SP2: variants seen among roughly 807,000 people sequenced by gnomAD.
The protein encoded by SP2 is Sp2 transcription factor, also known as transcription factor Sp2.
In SP2, 9 loss-of-function variants were observed where a neutral mutation model predicts 50.1. That is an observed-to-expected ratio of 0.18 (90% CI 0.11 to 0.31). SP2 has a LOEUF of 0.31. SP2 is among the 10% of genes least tolerant of loss of function. The pLI is 1.00. For synonymous variants in SP2, 313 were observed against 326.6 expected, an observed-to-expected ratio of 0.96 and a Z score of 0.45; for missense variants, 581 against 806.5, an observed-to-expected ratio of 0.72 and a Z score of 3.39.
intron 3 of SP2, chr17:47,918,419 C>T (rs1395600219): frequency 1.3e-5 from 2 of 152,090 alleles, no homozygotes; most frequent in Non-Finnish European, 1.5e-5. Context: ...TCATCTATCA[C>T]AAATATCTGT....
chr17:47,919,825 C>CTTTTTTTTTTTT lies in SP2; in HGVS notation c.1059+2706_1059+2717dup, dbSNP rs141856390. On this transcript the variant is annotated intron_variant, in intron 3 of 6. Transcript: ENST00000376741. ...TTTGATCTGAAACACTTTGTCATTCCTTTTTTTTTTTTTTTTTTTTTTCTG... is the reference window on the plus strand; with the variant it reads ...TTTGATCTGAAACACTTTGTCATTCCTTTTTTTTTTTTTTTTTTTTTTTTTTTTTTTTTTCTG... Among the ~76,000 whole-genome samples the CTTTTTTTTTTTT allele has an allele frequency of 6.4e-4, 61 of 94,796 alleles. 5 individuals carry two copies. The highest frequency in any genetic ancestry group is 1.1e-3 in the African/African-American group (25 of 23,764). The allele number at this position is 94,796 out of a possible 152,430, so 62.2% of individuals were successfully genotyped here.
At chr17:47,930,891 C>G (rs9903223), downstream of SP2, among the ~76,000 whole-genome samples, 72,546 of 151,954 alleles carry the variant, frequency 0.48, 17,596 homozygotes, top group East Asian at 0.76. Context: ...CATTATCCCA[C>G]AGCCTAGGAT....
chr17:47,896,477 C>T (rs2034336179), intron 1 of SP2, 184 bp downstream of exon 1: 1 of 482,094 alleles, frequency 2.1e-6, no homozygotes, highest in Admixed American at 4.4e-5. Flanking sequence ...GCGGGGCTGG[C>T]CAGCCGGGCG....
chr17:47,926,208 C>T (rs1385095704), intron 6 of SP2, among the ~76,000 whole-genome samples: 2 of 151,780 alleles, frequency 1.3e-5, no homozygotes, highest in East Asian at 1.9e-4. Context: ...TGAGCCACTG[C>T]GCCGGCCTGT....
intron 6 of SP2, among the ~76,000 whole-genome samples, chr17:47,925,904 C>CATTTTTTTTT (rs1567704810): frequency 8.4e-6 from 1 of 119,478 alleles, no homozygotes; most frequent in African/African-American, 3.3e-5. Flanking sequence ...TTTGTTTATG[C>CATTTTTTTTT]CTTTTTTTTT....
intron 4 of SP2, 101 bp downstream of exon 4, chr17:47,923,375 A>T: frequency 1.0e-6 from 1 of 958,488 alleles, no homozygotes; most frequent in Non-Finnish European, 1.5e-6. Flanking sequence ...AATAGTGAGG[A>T]TGCTGTCCAT....
intron 3 of SP2, among the ~76,000 whole-genome samples, chr17:47,921,808 G>A (rs1040775060): frequency 2.6e-5 from 4 of 152,196 alleles, no homozygotes; most frequent in Admixed American, 1.3e-4. Context: ...TACAAGCTAA[G>A]GCCTGGGTGC....
At chr17:47,924,806 T>C (rs892384782) in intron 4 of SP2, 113 bp from the exon 5 acceptor site, 3 of 927,312 alleles carry the variant, frequency 3.2e-6, no homozygotes, top group Non-Finnish European at 4.9e-6. Flanking sequence ...TACAGCAGGC[T>C]CTCAAAAATA....
At chr17:47,910,599 C>G (rs931258958) in intron 1 of SP2, among the ~76,000 whole-genome samples, 4 of 152,156 alleles carry the variant, frequency 2.6e-5, no homozygotes, top group African/African-American at 9.7e-5. Flanking sequence ...CAGTAAAATT[C>G]AAATTATCAG....
At chr17:47,906,094 A>G (rs1475556171) in intron 1 of SP2, among the ~76,000 whole-genome samples, 1 of 152,210 alleles carries the variant, frequency 6.6e-6, no homozygotes, top group Non-Finnish European at 1.5e-5. Flanking sequence ...GCACTTTAAA[A>G]AGAGCCTTCT....
At chr17:47,903,800 C>T (rs2034641999) in intron 1 of SP2, among the ~76,000 whole-genome samples, 1 of 149,606 alleles carries the variant, frequency 6.7e-6, no homozygotes, top group Non-Finnish European at 1.5e-5. Flanking sequence ...TCTGTCTCTA[C>T]TAAAATACAA....
At chr17:47,917,181 T>A in intron 3 of SP2, 51 bp downstream of exon 3, 1 of 1,522,196 alleles carries the variant, frequency 6.6e-7, no homozygotes, top group Non-Finnish European at 8.9e-7. Context: ...TTATCTCTTT[T>A]TGGCTTGCTT....
intron 1 of SP2, among the ~76,000 whole-genome samples, chr17:47,902,624 C>T (rs1291775945): frequency 3.3e-5 from 5 of 152,068 alleles, no homozygotes; most frequent in Non-Finnish European, 7.4e-5. Flanking sequence ...AAGGATAACT[C>T]CCAAGGTTTT....
intron 1 of SP2, among the ~76,000 whole-genome samples, chr17:47,903,610 G>A (rs1343425380): frequency 1.3e-5 from 2 of 151,846 alleles, no homozygotes; most frequent in African/African-American, 2.4e-5. Context: ...AGGTTGCAGC[G>A]AGCCAAGACC....
At position 47,916,761 on chromosome 17, in the gene SP2, G is replaced by C. The variant is rs2035223157; in HGVS notation, c.690G>C (p.Gln230His). ...VNASDTGAPT[Q>H]LLTESPPTPL... ...CCAGTGACACCGGGGCCCCTACTCA[G>C]CTCCTCACTGAAAGCCCCCCAACCC... Residue 230 changes from glutamine to histidine, a missense_variant, in exon 3 of 7, where the codon CAG becomes CAC. By Grantham distance (24) the Gln-to-His change is conservative. Coordinates refer to ENST00000376741, the MANE Select transcript of SP2 (RefSeq NM_003110.6). The surrounding 1 kb of genome is among the most constrained non-coding windows in gnomAD (Gnocchi z 4.7). 3.1e-6 allele frequency: 5 copies of C among 1,613,382 alleles called. No individual in the cohort carries two copies. Among genetic ancestry groups the C allele is most frequent in the Non-Finnish European group, 4.2e-6 (5 of 1,179,524 alleles).
chr17:47,906,607 G>A (rs2034771580), intron 1 of SP2, among the ~76,000 whole-genome samples: 1 of 152,240 alleles, frequency 6.6e-6, no homozygotes, highest in Non-Finnish European at 1.5e-5. Flanking sequence ...GAGACCTGAA[G>A]GGTGAGGTCT....
chr17:47,911,560 G>A (rs994373546), intron 1 of SP2, among the ~76,000 whole-genome samples: 5 of 151,280 alleles, frequency 3.3e-5, no homozygotes, highest in Non-Finnish European at 5.9e-5. Flanking sequence ...TGTAATCCCA[G>A]CACTTTGGGA....
intron 5 of SP2, 47 bp from the exon 6 acceptor site, chr17:47,925,301 C>T (rs763801680): frequency 1.3e-6 from 2 of 1,557,176 alleles, no homozygotes; most frequent in Non-Finnish European, 8.8e-7. Flanking sequence ...TACCGCTTTT[C>T]TCTCCTCTTC....
intron 3 of SP2, among the ~76,000 whole-genome samples, chr17:47,922,261 C>G (rs949908653): frequency 6.6e-6 from 1 of 152,162 alleles, no homozygotes; most frequent in South Asian, 2.1e-4. Context: ...GGACACCCTC[C>G]TCCCCGCTAC....
Sources: allele counts gnomAD v4.1 joint callset (sites outside exome capture counted in the v4.1 genomes callset), GRCh38; gene constraint gnomAD v4.1.1; non-coding constraint Gnocchi (gnomAD v3.1); transcripts MANE v1.5; gene names NCBI Gene and HGNC (gene_info 2026-07-23, HGNC 2026-07-21).